The following FHIT variants were observed in gnomAD, a reference collection of about 807,000 sequenced individuals.
FHIT encodes bis(5'-adenosyl)-triphosphatase.
FHIT carries 19 observed loss-of-function variants against 17.9 expected under a neutral mutation model. The ratio of observed to expected loss-of-function variants is 1.06; its 90% CI spans 0.74 to 1.56. The LOEUF (loss-of-function observed/expected upper bound fraction) is 1.56. FHIT is among the 40% of genes most tolerant of loss of function. FHIT has a pLI of 0.00. For synonymous variants in FHIT, 81 were observed against 69.7 expected, an observed-to-expected ratio of 1.16 and a Z score of -0.81; for missense variants, 248 against 189.2, an observed-to-expected ratio of 1.31 and a Z score of -1.82.
At chr3:60,534,481 T>C (rs1350790436) in intron 5 of FHIT, among the ~76,000 whole-genome samples, 1 of 144,144 alleles carries the variant, frequency 6.9e-6, no homozygotes, top group African/African-American at 2.6e-5. Context: ...CTCCCAGTTG[T>C]AACATGGCAG....
chr3:59,921,070 C>G (rs773800011), intron 8 of FHIT, among the ~76,000 whole-genome samples: 2 of 152,142 alleles, frequency 1.3e-5, no homozygotes, highest in Non-Finnish European at 2.9e-5. Flanking sequence ...GGACTGGTGA[C>G]TAGACTATTT....
chr3:60,019,842 A>G (rs958039155), intron 5 of FHIT, among the ~76,000 whole-genome samples: 2 of 152,288 alleles, frequency 1.3e-5, no homozygotes, highest in East Asian at 1.9e-4. Context: ...TTGGAGCTCA[A>G]CTGGTGAGCT....
intron 2 of FHIT, among the ~76,000 whole-genome samples, chr3:61,056,193 G>A (rs1225204089): frequency 3.3e-5 from 5 of 152,138 alleles, no homozygotes; most frequent in African/African-American, 4.8e-5. Flanking sequence ...AGGCAGAGGC[G>A]GGAGGATAGC....
chr3:60,817,522 C>CT (rs1287064724), intron 4 of FHIT, among the ~76,000 whole-genome samples: 78 of 148,438 alleles, frequency 5.3e-4, no homozygotes, highest in Admixed American at 1.3e-3. Context: ...CAGTGTTTTG[C>CT]TTTTTTTTTT....
In FHIT at chr3:60,437,704, A is replaced by G. The variant is rs1195578385; in HGVS notation, c.103+99156T>C. Among the ~76,000 whole-genome samples, 3 of 152,128 alleles carry G rather than the reference A, an allele frequency of 2.0e-5. No homozygotes were observed. In the East Asian group the frequency reaches 5.8e-4, roughly 29 times the overall value. On this transcript the variant is annotated intron_variant, in intron 5 of 9. Transcript: ENST00000492590. ...AAATAATCAGATGTCATATGAGGGT[A>G]TGTAGTTCTAAGATATAAATTCATA... is the stretch of plus-strand genomic sequence containing the variant.
chr3:60,165,484 A>G (rs984129613), intron 5 of FHIT, among the ~76,000 whole-genome samples: 4 of 152,206 alleles, frequency 2.6e-5, no homozygotes, highest in African/African-American at 9.6e-5. Flanking sequence ...GAATCCGTAC[A>G]GCTCATTGTC....
intron 2 of FHIT, among the ~76,000 whole-genome samples, chr3:61,151,340 T>C (rs1478581206): frequency 1.3e-5 from 2 of 152,190 alleles, no homozygotes; most frequent in African/African-American, 4.8e-5. Flanking sequence ...TTTAAGTAAG[T>C]CCCACTCATT....
intron 5 of FHIT, among the ~76,000 whole-genome samples, chr3:60,466,014 A>G (rs2032769788): frequency 6.6e-6 from 1 of 152,146 alleles, no homozygotes; most frequent in South Asian, 2.1e-4. Context: ...CTTCCAAACC[A>G]TGAACATGGA....
At chr3:60,578,963 A>G (rs978233371) in intron 4 of FHIT, among the ~76,000 whole-genome samples, 1 of 152,166 alleles carries the variant, frequency 6.6e-6, no homozygotes, top group Non-Finnish European at 1.5e-5. Flanking sequence ...ACTCACAAGA[A>G]AAAGGGAATT....
intron 8 of FHIT, among the ~76,000 whole-genome samples, chr3:59,777,885 AC>A (rs1386324752): frequency 6.6e-6 from 1 of 151,744 alleles, no homozygotes; most frequent in Non-Finnish European, 1.5e-5. Flanking sequence ...AAAACTCTCT[AC>A]CCCAGGTTTC....
intron 5 of FHIT, among the ~76,000 whole-genome samples, chr3:60,307,189 T>C (rs1230795841): frequency 2.6e-5 from 4 of 152,158 alleles, no homozygotes; most frequent in African/African-American, 9.6e-5. Flanking sequence ...AGTACAGCAC[T>C]CTGTCTCCAG....
chr3:61,213,268 A>C (rs532473724), intron 1 of FHIT, among the ~76,000 whole-genome samples: 1 of 152,150 alleles, frequency 6.6e-6, no homozygotes, highest in Non-Finnish European at 1.5e-5. Flanking sequence ...CCCATCTCAC[A>C]TGCAGAGACA....
At chr3:60,955,613 T>TATATACATATATATAC (rs1559862322) in intron 3 of FHIT, among the ~76,000 whole-genome samples, 2 of 13,314 alleles carry the variant, frequency 1.5e-4, no homozygotes, top group Non-Finnish European at 5.9e-4. Context: ...TATATATATA[T>TATATACATATATATAC]ATATATATAT....
At chr3:59,831,508 T>C (rs1701163223) in intron 8 of FHIT, among the ~76,000 whole-genome samples, 1 of 152,176 alleles carries the variant, frequency 6.6e-6, no homozygotes, top group Non-Finnish European at 1.5e-5. Flanking sequence ...CTTCCGAGCC[T>C]GTGCCCTTAG....
intron 8 of FHIT, among the ~76,000 whole-genome samples, chr3:59,881,107 T>C (rs1703392055): frequency 6.6e-6 from 1 of 152,222 alleles, no homozygotes; most frequent in South Asian, 2.1e-4. Context: ...AATGACGCTG[T>C]ACCTTTGGTG....
intron 4 of FHIT, among the ~76,000 whole-genome samples, chr3:60,722,279 T>A (rs2107966094): frequency 6.6e-6 from 1 of 152,354 alleles, no homozygotes; most frequent in African/African-American, 2.4e-5. Context: ...CAGCATCCTT[T>A]ACTAGTAGCC....
chr3:60,973,161 G>A (rs1391924246), intron 3 of FHIT, among the ~76,000 whole-genome samples: 2 of 152,120 alleles, frequency 1.3e-5, no homozygotes. Context: ...TTTGAATGAT[G>A]TTATCTTTCT....
intron 5 of FHIT, among the ~76,000 whole-genome samples, chr3:60,055,874 G>A (rs556856068): frequency 1.3e-5 from 2 of 152,110 alleles, no homozygotes; most frequent in Admixed American, 6.5e-5. Context: ...AGGCAGCTTC[G>A]AAGGTACCAA....
intron 5 of FHIT, among the ~76,000 whole-genome samples, chr3:60,433,915 A>G (rs1305829371): frequency 2.6e-5 from 4 of 151,924 alleles, no homozygotes; most frequent in South Asian, 2.1e-4. Flanking sequence ...GAAGCATTTC[A>G]GTGTGAGGTA....
Sources: gnomAD v4.1 joint callset for allele counts (sites outside exome capture counted in the v4.1 genomes callset) on GRCh38, gnomAD v4.1.1 for gene constraint, MANE v1.5 for transcripts, NCBI Gene and HGNC (gene_info 2026-07-23, HGNC 2026-07-21) for gene names.